The following FOCAD variants were observed in gnomAD, a reference collection of about 807,000 sequenced individuals.
FOCAD encodes the protein focadhesin, also known as KIAA1797.
Under a neutral mutation model 225.6 loss-of-function variants are expected in FOCAD, and 198 were observed. The observed-to-expected ratio is 0.88, with a 90% CI of 0.78 to 0.99. FOCAD has a LOEUF of 0.99. Ranked by LOEUF, FOCAD falls within the 50% of genes least tolerant of loss-of-function variation. The pLI, the probability that FOCAD is intolerant of heterozygous loss-of-function variation, is 0.00. For missense variants in FOCAD, 2,713 were observed against 2,123.6 expected (o/e 1.28, Z -5.46); for synonymous variants, 897 against 755.0 (o/e 1.19, Z -3.08).
At chr9:20,815,568 T>A (rs1823643597) in intron 11 of FOCAD, among the ~76,000 whole-genome samples, 1 of 146,312 alleles carries the variant, frequency 6.8e-6, no homozygotes, top group South Asian at 2.4e-4. Flanking sequence ...CACTCCCTTC[T>A]TGCTGGCAAG....
intron 8 of FOCAD, among the ~76,000 whole-genome samples, chr9:20,774,619 C>T (rs1257495896): frequency 6.6e-6 from 1 of 152,182 alleles, no homozygotes; most frequent in Non-Finnish European, 1.5e-5. Context: ...ATATTTGATG[C>T]ACTTCAGTCT....
At chr9:20,667,854 G>T (rs772038897) in intron 2 of FOCAD, among the ~76,000 whole-genome samples, 1 of 151,890 alleles carries the variant, frequency 6.6e-6, no homozygotes, top group Non-Finnish European at 1.5e-5. Flanking sequence ...AATGAAGACG[G>T]GATTCTTTCT....
chr9:20,716,445 T>A (rs1286153836), intron 2 of FOCAD, among the ~76,000 whole-genome samples: 2 of 152,158 alleles, frequency 1.3e-5, no homozygotes, highest in African/African-American at 2.4e-5. Flanking sequence ...TTTTGTATTT[T>A]AAAAAATCAG....
intron 1 of FOCAD, among the ~76,000 whole-genome samples, chr9:20,692,081 T>C (rs761597361): frequency 3.9e-5 from 6 of 152,190 alleles, no homozygotes; most frequent in Admixed American, 6.5e-5. Context: ...AGTAATACCC[T>C]ACTAGCTTCC....
chr9:20,687,583 A>C (rs1822742279), intron 1 of FOCAD, among the ~76,000 whole-genome samples: 1 of 152,250 alleles, frequency 6.6e-6, no homozygotes, highest in Non-Finnish European at 1.5e-5. Flanking sequence ...ATATGCTATT[A>C]GGACATACAC....
intron 15 of FOCAD, among the ~76,000 whole-genome samples, chr9:20,860,112 C>T (rs1160575364): frequency 6.6e-6 from 1 of 152,036 alleles, no homozygotes; most frequent in South Asian, 2.1e-4. Context: ...ATCATTATTT[C>T]GTGTTTTTTC....
At chr9:20,712,430 C>A (rs1453045092) in intron 1 of FOCAD, among the ~76,000 whole-genome samples, 1 of 152,006 alleles carries the variant, frequency 6.6e-6, no homozygotes, top group Non-Finnish European at 1.5e-5. Context: ...GAGGCCGAGG[C>A]GGGCGGATCA....
intron 11 of FOCAD, among the ~76,000 whole-genome samples, chr9:20,808,780 C>T (rs1176021217): frequency 3.9e-5 from 6 of 152,108 alleles, no homozygotes; most frequent in South Asian, 2.1e-4. Context: ...GTGCTGTGGC[C>T]GGCTTAGCTA....
intron 6 of FOCAD, among the ~76,000 whole-genome samples, chr9:20,762,039 A>T (rs548838530): frequency 6.6e-6 from 1 of 152,210 alleles, no homozygotes; most frequent in Non-Finnish European, 1.5e-5. Context: ...TTTGCTCCTG[A>T]TGTCAAATCA....
chr9:20,939,849 C>T (rs930328436), intron 28 of FOCAD, among the ~76,000 whole-genome samples: 13 of 150,768 alleles, frequency 8.6e-5, no homozygotes, highest in African/African-American at 3.2e-4. Context: ...GTGTGCTGCA[C>T]CCATTAACTC....
intron 28 of FOCAD, among the ~76,000 whole-genome samples, chr9:20,933,543 G>T (rs759294255): frequency 1.3e-5 from 2 of 151,924 alleles, no homozygotes; most frequent in East Asian, 1.9e-4. Context: ...CCTTTTTATG[G>T]CTGAGTAGTA....
intron 23 of FOCAD, among the ~76,000 whole-genome samples, chr9:20,913,988 G>A (rs938214055): frequency 2.0e-5 from 3 of 151,990 alleles, no homozygotes; most frequent in African/African-American, 7.3e-5. Flanking sequence ...ATTTCGGCTG[G>A]ATGTGGTGGT....
intron 6 of FOCAD, among the ~76,000 whole-genome samples, chr9:20,761,028 G>C (rs1384879538): frequency 6.6e-6 from 1 of 151,480 alleles, no homozygotes; most frequent in Admixed American, 6.6e-5. Flanking sequence ...TTTGGGGGGG[G>C]GCGTTACAAT....
chr9:20,779,669 G>C (rs1193374998), intron 9 of FOCAD, among the ~76,000 whole-genome samples: 1 of 151,774 alleles, frequency 6.6e-6, no homozygotes, highest in Non-Finnish European at 1.5e-5. Flanking sequence ...ATAATCACCT[G>C]AACCCCGGAG....
At chr9:20,902,558 A>T (rs1172133230) in intron 21 of FOCAD, among the ~76,000 whole-genome samples, 1 of 152,064 alleles carries the variant, frequency 6.6e-6, no homozygotes, top group Non-Finnish European at 1.5e-5. Context: ...AAGGTTTTGC[A>T]AAGTTCTGAG....
chr9:20,890,870 T>A (rs981935432), intron 21 of FOCAD, among the ~76,000 whole-genome samples: 9 of 145,866 alleles, frequency 6.2e-5, no homozygotes, highest in East Asian at 2.0e-4. Context: ...TATTTTTTTT[T>A]AATCTACCTA....
At chr9:20,890,496 T>C (rs1473873821) in intron 21 of FOCAD, among the ~76,000 whole-genome samples, 3 of 152,108 alleles carry the variant, frequency 2.0e-5, no homozygotes, top group Admixed American at 1.3e-4. Context: ...GATTTTCTAA[T>C]GTAAACCAAC....
In FOCAD at chr9:20,717,804, A is replaced by G. The variant is rs1825457910; in HGVS notation, c.68A>G (p.His23Arg). ...NSLIQSQAVGHLIAAVLKENG... is the reference protein window; with the variant it reads ...NSLIQSQAVGRLIAAVLKENG... ...TTATTTCTTTTTAAGGCTGTGGGTCATCTTATTGCTGCAGTCCTAAAGGAA... is the reference window on the plus strand; with the variant it reads ...TTATTTCTTTTTAAGGCTGTGGGTCGTCTTATTGCTGCAGTCCTAAAGGAA... The change falls in exon 3 of 44, where the codon CAT (histidine) becomes CGT (arginine). Residue 23 changes from histidine to arginine, a missense_variant. Coordinates refer to ENST00000338382, the MANE Select transcript of FOCAD (RefSeq NM_001375567.1). 1 of 1,611,740 alleles carries G rather than the reference A, an allele frequency of 6.2e-7. No homozygotes were observed. The highest frequency in any genetic ancestry group is 8.5e-7 in the Non-Finnish European group (1 of 1,179,026).
At chr9:20,849,925 A>G (rs1446156849) in intron 15 of FOCAD, among the ~76,000 whole-genome samples, 1 of 151,920 alleles carries the variant, frequency 6.6e-6, no homozygotes, top group Non-Finnish European at 1.5e-5. Context: ...GAACAAAGAG[A>G]CAGTTCAAAA....
Sources: allele counts gnomAD v4.1 joint callset (sites outside exome capture counted in the v4.1 genomes callset), GRCh38; gene constraint gnomAD v4.1.1; transcripts MANE v1.5; gene names NCBI Gene and HGNC (gene_info 2026-07-23, HGNC 2026-07-21).